Variants in EYA1 observed in about 807,000 individuals in gnomAD.
EYA1 encodes protein phosphatase EYA1.
A neutral mutation model predicts 82.0 loss-of-function variants in EYA1; 16 were observed. The observed-to-expected ratio is 0.20, with a 90% CI of 0.13 to 0.30. EYA1 has a LOEUF of 0.30. Among genes scored for constraint, EYA1 ranks in the 10% least tolerant of loss-of-function variants. EYA1 has a pLI of 1.00. For synonymous variants in EYA1, 261 were observed against 264.4 expected, an observed-to-expected ratio of 0.99 and a Z score of 0.12; for missense variants, 633 against 730.7, an observed-to-expected ratio of 0.87 and a Z score of 1.54.
intron 2 of EYA1, among the ~76,000 whole-genome samples, chr8:71,382,356 A>T (rs1192676432): frequency 6.6e-6 from 1 of 152,148 alleles, no homozygotes; most frequent in Admixed American, 6.5e-5. Context: ...TGACACAGAA[A>T]ATATCTCAAA....
In EYA1 at chr8:71,215,875, G is replaced by A. The variant is rs1244904450; in HGVS notation, c.1361-147C>T. Reference sequence around the variant, plus strand: ...ATCTTTCACATAGTACCATTCATTTGACAAGTATTTATTTGGTTTGGTTAC... The same window carrying A: ...ATCTTTCACATAGTACCATTCATTTAACAAGTATTTATTTGGTTTGGTTAC... On this transcript the variant is annotated intron_variant, in intron 14 of 17. Transcript: ENST00000340726. 1.3e-5 allele frequency: 9 copies of A among 707,780 alleles called. No homozygotes were observed. The Admixed American group carries it at 1.4e-4, about 11-fold the overall frequency. 43.8% of individuals were successfully genotyped at this position (707,780 alleles called of 1,614,324 possible).
At chr8:71,232,297 TCCAAGCGGC>T (rs1563660994) in intron 12 of EYA1, among the ~76,000 whole-genome samples, 1 of 152,192 alleles carries the variant, frequency 6.6e-6, no homozygotes, top group African/African-American at 2.4e-5. Context: ...GCACTGTCAG[TCCAAGCGGC>T]CTGAGAAGGG....
At chr8:71,529,694 C>A (rs1451895910) in intron 2 of EYA1, 2 of 150,852 alleles carry the variant, frequency 1.3e-5, no homozygotes, top group Non-Finnish European at 2.9e-5. Context: ...AGGTTTTCTT[C>A]CTACATGGTG....
intron 6 of EYA1, among the ~76,000 whole-genome samples, chr8:71,318,763 A>G (rs1353720912): frequency 6.6e-6 from 1 of 152,228 alleles, no homozygotes; most frequent in African/African-American, 2.4e-5. Flanking sequence ...GAATCTCATC[A>G]GCAGAGTACA....
intron 17 of EYA1, among the ~76,000 whole-genome samples, chr8:71,205,252 T>C (rs931648787): frequency 3.3e-5 from 5 of 152,160 alleles, no homozygotes; most frequent in African/African-American, 1.2e-4. Context: ...TAAATAGTTC[T>C]CTGAAAATAA....
At chr8:71,524,251 G>A (rs1419074302) in intron 2 of EYA1, among the ~76,000 whole-genome samples, 1 of 152,124 alleles carries the variant, frequency 6.6e-6, no homozygotes, top group African/African-American at 2.4e-5. Context: ...ATGAGGCTAG[G>A]TAATCATGGT....
intron 2 of EYA1, among the ~76,000 whole-genome samples, chr8:71,379,436 C>A (rs939826892): frequency 6.6e-6 from 1 of 152,008 alleles, no homozygotes; most frequent in African/African-American, 2.4e-5. Context: ...GAAGTCAGAA[C>A]CATCAGGACT....
At chr8:71,277,713 T>G (rs889195247) in intron 9 of EYA1, among the ~76,000 whole-genome samples, 1 of 152,226 alleles carries the variant, frequency 6.6e-6, no homozygotes, top group African/African-American at 2.4e-5. Context: ...GTGGTATTCA[T>G]GTTTGCACAC....
chr8:71,222,977 G>A (rs1810120270), intron 12 of EYA1, among the ~76,000 whole-genome samples: 1 of 152,190 alleles, frequency 6.6e-6, no homozygotes, highest in African/African-American at 2.4e-5. Context: ...CCTGGAGCAT[G>A]GATGTGGGTC....
At chr8:71,256,014 A>G (rs1303762377) in intron 11 of EYA1, among the ~76,000 whole-genome samples, 1 of 152,216 alleles carries the variant, frequency 6.6e-6, no homozygotes, top group African/African-American at 2.4e-5. Flanking sequence ...ATTATCTCAC[A>G]GCCATTAGAA....
intron 12 of EYA1, among the ~76,000 whole-genome samples, chr8:71,222,655 T>TAA (rs1198437149): frequency 6.6e-6 from 1 of 152,234 alleles, no homozygotes; most frequent in Non-Finnish European, 1.5e-5. Context: ...TCCTAGTTCT[T>TAA]AAGTTGAATT....
chr8:71,203,350 C>G (rs1211029901), intron 17 of EYA1, among the ~76,000 whole-genome samples: 1 of 152,150 alleles, frequency 6.6e-6, no homozygotes, highest in African/African-American at 2.4e-5. Flanking sequence ...ATGCCAAGAG[C>G]TGACCAGCAG....
chr8:71,520,912 A>G (rs1402178830), intron 2 of EYA1, among the ~76,000 whole-genome samples: 1 of 152,194 alleles, frequency 6.6e-6, no homozygotes, highest in Non-Finnish European at 1.5e-5. Flanking sequence ...CAATTATATT[A>G]TCTTTGTAGT....
At chr8:71,215,768 A>G in intron 14 of EYA1, 40 bp from the exon 15 acceptor site, 1 of 1,361,926 alleles carries the variant, frequency 7.3e-7, no homozygotes, top group Non-Finnish European at 1.1e-6. Context: ...CTTCCTGACC[A>G]ACATATTTCT....
At chr8:71,526,571 T>A (rs1813831466) in intron 2 of EYA1, among the ~76,000 whole-genome samples, 1 of 152,166 alleles carries the variant, frequency 6.6e-6, no homozygotes, top group South Asian at 2.1e-4. Context: ...GGCTGCATGA[T>A]CTGCTTGTAA....
chr8:71,273,774 G>A (rs769697015), intron 9 of EYA1, among the ~76,000 whole-genome samples: 12 of 152,202 alleles, frequency 7.9e-5, no homozygotes, highest in Non-Finnish European at 1.6e-4. Flanking sequence ...AGTCTCTCTT[G>A]AATTGGGAGC....
intron 12 of EYA1, among the ~76,000 whole-genome samples, 177 bp from the exon 13 acceptor site, chr8:71,217,200 T>C (rs1809325293): frequency 6.6e-6 from 1 of 152,198 alleles, no homozygotes; most frequent in African/African-American, 2.4e-5. Context: ...TAGGGTCCTC[T>C]CCTGTAAGAA....
intron 2 of EYA1, among the ~76,000 whole-genome samples, chr8:71,399,382 G>C (rs575668303): frequency 6.6e-6 from 1 of 152,142 alleles, no homozygotes. Flanking sequence ...CTGCAGACTG[G>C]GCTGTTCCTA....
intron 3 of EYA1, among the ~76,000 whole-genome samples, chr8:71,338,322 T>C (rs186538601): frequency 2.6e-5 from 4 of 152,370 alleles, no homozygotes; most frequent in Admixed American, 6.5e-5. Flanking sequence ...GCAGTGTATA[T>C]TTTCTGAAGA....
Sources: allele counts gnomAD v4.1 joint callset (sites outside exome capture counted in the v4.1 genomes callset), GRCh38; gene constraint gnomAD v4.1.1; transcripts MANE v1.5; gene names NCBI Gene and HGNC (gene_info 2026-07-23, HGNC 2026-07-21).